Variants in SLC24A3 observed in about 807,000 individuals in gnomAD.
SLC24A3 encodes the protein solute carrier family 24 member 3.
In SLC24A3, 28 loss-of-function variants were observed where a neutral mutation model predicts 75.8. That is an observed-to-expected ratio of 0.37 (90% CI 0.27 to 0.51). SLC24A3 has a LOEUF of 0.51. Ranked by LOEUF, SLC24A3 falls within the 20% of genes least tolerant of loss-of-function variation. SLC24A3 has a pLI of 0.94. For synonymous variants in SLC24A3, 372 were observed against 334.1 expected (o/e 1.11, Z -1.24); for missense variants, 663 against 847.8 (o/e 0.78, Z 2.71).
In SLC24A3 at chr20:19,321,080, T is replaced by C. The variant is rs56175751; in HGVS notation, c.271+39993T>C. ...GAATCCACAGATATAGAGGGCTCAC[T>C]GTGTGTGTGTATATATATATGTATT... On this transcript the variant is annotated intron_variant, in intron 2 of 16. Coordinates refer to ENST00000328041, the MANE Select transcript of SLC24A3 (RefSeq NM_020689.4). 2.6e-3 allele frequency among the ~76,000 whole-genome samples: 380 copies of C among 148,876 alleles called. 3 individuals are homozygous for C. Among genetic ancestry groups the C allele is most frequent in the African/African-American group, 9.7e-3 (373 of 38,372 alleles).
intron 13 of SLC24A3, 118 bp from the exon 14 acceptor site, chr20:19,696,679 A>G (rs2032810185): frequency 1.5e-6 from 1 of 678,250 alleles, no homozygotes; most frequent in East Asian, 2.6e-5. Flanking sequence ...GAGAGCAGAC[A>G]TTGCACCCCA....
intron 2 of SLC24A3, among the ~76,000 whole-genome samples, chr20:19,427,534 G>C (rs923719861): frequency 2.6e-5 from 4 of 152,190 alleles, no homozygotes; most frequent in Non-Finnish European, 5.9e-5. Context: ...TTCCACTGGG[G>C]GCTGGGGGAA....
rs73902347 is a variant in SLC24A3 at position 19,375,319 on chromosome 20, G to T, written c.271+94232G>T. On this transcript the variant is annotated intron_variant, in intron 2 of 16. Coordinates refer to ENST00000328041, the MANE Select transcript of SLC24A3 (RefSeq NM_020689.4). ...GTCTCAATGCTGTGGTGCATAGAGT[G>T]TAGTTAAAGTTGATGGTTTTTATTT... Among the ~76,000 whole-genome samples, 410 of 152,330 alleles carry T rather than the reference G, an allele frequency of 2.7e-3. 3 individuals are homozygous for T. The highest frequency in any genetic ancestry group is 9.6e-3 in the African/African-American group (400 of 41,572).
At chr20:19,600,460 T>A (rs1477459936) in intron 6 of SLC24A3, among the ~76,000 whole-genome samples, 1 of 152,202 alleles carries the variant, frequency 6.6e-6, no homozygotes, top group African/African-American at 2.4e-5. Flanking sequence ...ATAAAAGAAT[T>A]GTGCACATCT....
intron 6 of SLC24A3, among the ~76,000 whole-genome samples, chr20:19,640,718 C>G (rs888041403): frequency 6.6e-6 from 1 of 152,182 alleles, no homozygotes; most frequent in Non-Finnish European, 1.5e-5. Context: ...CCACTACACT[C>G]CAGCCTAAGT....
chr20:19,339,914 C>G (rs1985229686), intron 2 of SLC24A3, among the ~76,000 whole-genome samples: 1 of 152,202 alleles, frequency 6.6e-6, no homozygotes, highest in Non-Finnish European at 1.5e-5. Flanking sequence ...AGAATTCCTT[C>G]TGGCAGTTTA....
chr20:19,470,540 A>G (rs986079885), intron 2 of SLC24A3, among the ~76,000 whole-genome samples: 1 of 152,188 alleles, frequency 6.6e-6, no homozygotes, highest in Non-Finnish European at 1.5e-5. Flanking sequence ...TTAAGTCTGT[A>G]CGCTGAACTT....
intron 2 of SLC24A3, among the ~76,000 whole-genome samples, chr20:19,493,882 C>T (rs946771898): frequency 6.6e-6 from 1 of 152,196 alleles, no homozygotes; most frequent in African/African-American, 2.4e-5. Flanking sequence ...ATGCTGCTTG[C>T]CTCTTTGGTT....
At chr20:19,670,204 G>C (rs1465882292) in intron 8 of SLC24A3, among the ~76,000 whole-genome samples, 19 of 152,106 alleles carry the variant, frequency 1.2e-4, no homozygotes, top group Admixed American at 1.2e-3. Flanking sequence ...ACTGAGGAGA[G>C]GGGGTGGGGG....
At chr20:19,355,124 A>C (rs1156954310) in intron 2 of SLC24A3, 1 of 152,170 alleles carries the variant, frequency 6.6e-6, no homozygotes, top group Non-Finnish European at 1.5e-5. Flanking sequence ...GACTGGGCTG[A>C]GTCAGGAACC....
At chr20:19,390,886 A>G (rs1986354017) in intron 2 of SLC24A3, among the ~76,000 whole-genome samples, 1 of 152,274 alleles carries the variant, frequency 6.6e-6, no homozygotes, top group Non-Finnish European at 1.5e-5. Flanking sequence ...CCAGCCTTGC[A>G]CTAGGTGGTC....
At chr20:19,372,003 A>G (rs1986000446) in intron 2 of SLC24A3, among the ~76,000 whole-genome samples, 1 of 152,046 alleles carries the variant, frequency 6.6e-6, no homozygotes, top group South Asian at 2.1e-4. Context: ...CCCAGACCAG[A>G]CCCAGGGCTT....
chr20:19,585,464 G>C lies in SLC24A3; in HGVS notation c.532G>C (p.Val178Leu), dbSNP rs760733042. 6.2e-6 allele frequency: 10 copies of C among 1,614,060 alleles called. No homozygotes were observed. In the Admixed American group the frequency reaches 1.0e-4, roughly 16 times the overall value. Reference sequence around the variant, plus strand: ...AGGGGTCTTCATCACCAAAGGCGATGTGGGAGTTGGCACCATCGTGGGCTC... The same window carrying C: ...AGGGGTCTTCATCACCAAAGGCGATCTGGGAGTTGGCACCATCGTGGGCTC... ...VIGVFITKGD[V>L]GVGTIVGSAV... Residue 178 changes from valine to leucine, a missense_variant, in exon 6 of 17, where the codon GTG becomes CTG. By Grantham distance (32) the Val-to-Leu change is conservative. Around this residue, in one of 2 missense-constraint regions of SLC24A3, gnomAD observed 510 missense variants for 703.6 expected, o/e 0.72. Coordinates refer to ENST00000328041, the MANE Select transcript of SLC24A3 (RefSeq NM_020689.4).
chr20:19,418,054 A>C (rs1986856305), intron 2 of SLC24A3, among the ~76,000 whole-genome samples: 1 of 152,214 alleles, frequency 6.6e-6, no homozygotes, highest in African/African-American at 2.4e-5. Flanking sequence ...CCCTGAAGGA[A>C]ATAGTCTCAT....
At chr20:19,632,332 T>G (rs747894194) in intron 6 of SLC24A3, among the ~76,000 whole-genome samples, 1 of 152,146 alleles carries the variant, frequency 6.6e-6, no homozygotes, top group Non-Finnish European at 1.5e-5. Context: ...AAAATCGAGG[T>G]GTCGGTAGGA....
chr20:19,685,776 A>G (rs1008349962), intron 12 of SLC24A3, among the ~76,000 whole-genome samples: 1 of 152,158 alleles, frequency 6.6e-6, no homozygotes, highest in Non-Finnish European at 1.5e-5. Context: ...GGGGATTTAT[A>G]TAGCAGGGAA....
chr20:19,220,410 A>C (rs895858514), intron 1 of SLC24A3, among the ~76,000 whole-genome samples: 2 of 152,218 alleles, frequency 1.3e-5, no homozygotes, highest in African/African-American at 4.8e-5. Flanking sequence ...TTAGTCAGCC[A>C]GTCTGCCATG....
At chr20:19,491,925 G>T (rs193020312) in intron 2 of SLC24A3, among the ~76,000 whole-genome samples, 1 of 152,052 alleles carries the variant, frequency 6.6e-6, no homozygotes, top group Non-Finnish European at 1.5e-5. Flanking sequence ...TAAGGGACCT[G>T]GGCAGGGCAG....
chr20:19,678,785 A>T (rs1217334398), intron 9 of SLC24A3, among the ~76,000 whole-genome samples: 3 of 145,260 alleles, frequency 2.1e-5, no homozygotes. Flanking sequence ...CACTTCTCAG[A>T]CGGGGCGGTT....
Sources: allele counts gnomAD v4.1 joint callset (sites outside exome capture counted in the v4.1 genomes callset), GRCh38; gene constraint gnomAD v4.1.1; regional missense constraint gnomAD v4.1.1; transcripts MANE v1.5; gene names NCBI Gene and HGNC (gene_info 2026-07-23, HGNC 2026-07-21).